The following SCMH1 variants were observed in gnomAD, a reference collection of about 807,000 sequenced individuals.
SCMH1 encodes Scm polycomb group protein homolog 1.
A neutral mutation model predicts 70.8 loss-of-function variants in SCMH1; 37 were observed. The ratio of observed to expected loss-of-function variants is 0.52; its 90% CI spans 0.40 to 0.69. The LOEUF (loss-of-function observed/expected upper bound fraction) is 0.69, where lower values mean the gene tolerates loss of function less well. SCMH1 is among the 30% of genes least tolerant of loss of function. SCMH1 has a pLI of 0.00. For synonymous variants in SCMH1, 292 were observed against 307.4 expected (o/e 0.95, Z 0.52); for missense variants, 607 against 827.3 (o/e 0.73, Z 3.27).
At position 41,226,878 on chromosome 1, in the gene SCMH1, T is replaced by C. The variant is rs973024800; in HGVS notation, c.-118+15181A>G. On this transcript the variant is annotated intron_variant, in intron 1 of 14. Coordinates refer to ENST00000337495, the Ensembl canonical transcript of SCMH1. Reference sequence around the variant, plus strand: ...ATTCCCTAAGGAAGTTATGTCTCCGTTGAAATCTAAACAATGAATAGACAA... The same window carrying C: ...ATTCCCTAAGGAAGTTATGTCTCCGCTGAAATCTAAACAATGAATAGACAA... Among the ~76,000 whole-genome samples, 8 of 152,198 alleles carry C rather than the reference T, an allele frequency of 5.3e-5. No individual in the cohort carries two copies. The South Asian group carries it at 6.2e-4, about 12-fold the overall frequency.
intron 6 of SCMH1, among the ~76,000 whole-genome samples, chr1:41,125,373 GC>G (rs1255166504): frequency 6.6e-6 from 1 of 151,618 alleles, no homozygotes; most frequent in Non-Finnish European, 1.5e-5. Flanking sequence ...GTGTCATCAT[GC>G]CCAGATAATT....
At chr1:41,197,120 T>C (rs931879736) in intron 1 of SCMH1, among the ~76,000 whole-genome samples, 1 of 152,160 alleles carries the variant, frequency 6.6e-6, no homozygotes, top group African/African-American at 2.4e-5. Context: ...GTATAGCTGC[T>C]GTGGAAAATG....
intron 11 of SCMH1, 100 bp downstream of exon 11, chr1:41,048,590 G>T: frequency 3.9e-6 from 4 of 1,032,216 alleles, no homozygotes; most frequent in East Asian, 2.4e-5. Context: ...TCCAGAGCCT[G>T]CAGGTATGAA....
At chr1:41,165,892 C>T (rs1289419922) in intron 2 of SCMH1, among the ~76,000 whole-genome samples, 1 of 151,942 alleles carries the variant, frequency 6.6e-6, no homozygotes, top group Non-Finnish European at 1.5e-5. Flanking sequence ...AATGCAATTC[C>T]ATTTGTCTAT....
intron 10 of SCMH1, among the ~76,000 whole-genome samples, chr1:41,068,752 A>G (rs1023345860): frequency 5.3e-5 from 8 of 152,316 alleles, no homozygotes; most frequent in African/African-American, 1.4e-4. Context: ...ATGGTAGGTG[A>G]AAATATATCC....
At chr1:41,191,712 T>C (rs1264717696) in intron 1 of SCMH1, among the ~76,000 whole-genome samples, 2 of 152,312 alleles carry the variant, frequency 1.3e-5, no homozygotes, top group Middle Eastern at 3.4e-3. Flanking sequence ...ATAGTGCATA[T>C]GTATTACTTT....
At chr1:41,056,524 G>C (rs1460495892) in intron 10 of SCMH1, among the ~76,000 whole-genome samples, 2 of 151,792 alleles carry the variant, frequency 1.3e-5, no homozygotes, top group South Asian at 4.2e-4. Context: ...GAAAGGTCTG[G>C]CACATAAGGA....
intron 5 of SCMH1, among the ~76,000 whole-genome samples, chr1:41,144,063 C>G (rs1026319036): frequency 7.2e-5 from 11 of 151,908 alleles, no homozygotes; most frequent in Non-Finnish European, 1.5e-4. Flanking sequence ...TGCACAAATA[C>G]CTAGGAGTGA....
At chr1:41,061,580 C>A (rs1393931860) in intron 10 of SCMH1, among the ~76,000 whole-genome samples, 1 of 152,100 alleles carries the variant, frequency 6.6e-6, no homozygotes, top group Non-Finnish European at 1.5e-5. Context: ...ATATATGAGG[C>A]AAAAACAGGC....
At chr1:41,169,607 C>T (rs1160075259) in intron 2 of SCMH1, among the ~76,000 whole-genome samples, 6 of 152,000 alleles carry the variant, frequency 3.9e-5, no homozygotes, top group African/African-American at 1.4e-4. Context: ...TGGACATACG[C>T]CTATCAGGGT....
chr1:41,172,553 A>G (rs182941957), intron 2 of SCMH1, among the ~76,000 whole-genome samples: 4 of 152,226 alleles, frequency 2.6e-5, no homozygotes, highest in Middle Eastern at 3.4e-3. Flanking sequence ...CAAAATACCA[A>G]TGACATTCTT....
At chr1:41,177,164 C>T (rs890099633) in intron 2 of SCMH1, among the ~76,000 whole-genome samples, 1 of 152,214 alleles carries the variant, frequency 6.6e-6, no homozygotes, top group African/African-American at 2.4e-5. Flanking sequence ...CTCCGATAGA[C>T]CTGCAGCTGA....
At chr1:41,229,442 G>C (rs889430767) in intron 1 of SCMH1, among the ~76,000 whole-genome samples, 3 of 152,154 alleles carry the variant, frequency 2.0e-5, no homozygotes, top group Non-Finnish European at 2.9e-5. Flanking sequence ...CCTTTGTAGG[G>C]ACATGGATGA....
At chr1:41,107,670 C>A (rs1035953122) in intron 8 of SCMH1, among the ~76,000 whole-genome samples, 1 of 152,142 alleles carries the variant, frequency 6.6e-6, no homozygotes, top group Non-Finnish European at 1.5e-5. Context: ...CAGGTGGGCA[C>A]CACCACACCC....
At chr1:41,211,339 A>T (rs571349290) in intron 1 of SCMH1, among the ~76,000 whole-genome samples, 11 of 152,362 alleles carry the variant, frequency 7.2e-5, no homozygotes, top group African/African-American at 2.4e-4. Flanking sequence ...AAACAACCCC[A>T]TCAAAAAGTG....
At position 41,113,549 on chromosome 1, in the gene SCMH1, C is replaced by T; in HGVS notation, c.502-23G>A. ...CTCCTAGATGAGAAACAGAAACATA[C>T]ACACCTAGACACAAAGAGAGGCCAT... On this transcript the variant is annotated intron_variant, in intron 7 of 14. Transcript: ENST00000337495. This position sits in a 1 kb window ranked among gnomAD's most constrained non-coding sequence, Gnocchi z 4.3. The T allele has an allele frequency of 3.1e-6, 5 of 1,590,798 alleles. No homozygotes were observed. The highest frequency in any genetic ancestry group is 4.3e-6 in the Non-Finnish European group (5 of 1,169,946).
At chr1:41,041,331 G>A (rs927248062) in intron 12 of SCMH1, 1 of 152,166 alleles carries the variant, frequency 6.6e-6, no homozygotes, top group African/African-American at 2.4e-5. Flanking sequence ...TTAGGATGAT[G>A]GATACTGAGA....
intron 1 of SCMH1, among the ~76,000 whole-genome samples, chr1:41,199,611 A>G (rs2148713405): frequency 6.6e-6 from 1 of 152,278 alleles, no homozygotes. Flanking sequence ...AGCTAATATT[A>G]AAGGTTGTCT....
chr1:41,232,306 G>A (rs1325859883), intron 1 of SCMH1, among the ~76,000 whole-genome samples: 1 of 152,126 alleles, frequency 6.6e-6, no homozygotes, highest in East Asian at 1.9e-4. Context: ...TGATCCTAAC[G>A]AGGAATCTAG....
Sources: gnomAD v4.1 joint callset for allele counts (sites outside exome capture counted in the v4.1 genomes callset) on GRCh38, gnomAD v4.1.1 for gene constraint, Gnocchi (gnomAD v3.1) non-coding constraint, MANE v1.5 for transcripts, NCBI Gene and HGNC (gene_info 2026-07-23, HGNC 2026-07-21) for gene names.